Variants in INPP4A observed in about 807,000 individuals in gnomAD.
The protein encoded by INPP4A is inositol polyphosphate-4-phosphatase, type I, 107kD.
INPP4A carries 33 observed loss-of-function variants against 119.8 expected under a neutral mutation model. The observed-to-expected ratio is 0.28, with a 90% confidence interval of 0.21 to 0.37. The LOEUF (loss-of-function observed/expected upper bound fraction) is 0.37. Among genes scored for constraint, INPP4A ranks in the 10% least tolerant of loss-of-function variants. The pLI, the probability that INPP4A is intolerant of heterozygous loss-of-function variation, is 1.00. For missense variants in INPP4A, 956 were observed against 1,289.9 expected, an observed-to-expected ratio of 0.74 and a Z score of 3.97; for synonymous variants, 496 against 500.7, an observed-to-expected ratio of 0.99 and a Z score of 0.12.
chr2:98,553,016 T>G, intron 14 of INPP4A, 47 bp downstream of exon 14: 1 of 1,507,892 alleles, frequency 6.6e-7, no homozygotes, highest in Non-Finnish European at 9.0e-7. Context: ...TTTCCTTGGG[T>G]TTCTGGAAGC....
intron 1 of INPP4A, among the ~76,000 whole-genome samples, chr2:98,515,234 G>C (rs1685884824): frequency 6.6e-6 from 1 of 152,212 alleles, no homozygotes; most frequent in African/African-American, 2.4e-5. Context: ...TCTTGGATTT[G>C]GGGTTTCTGA....
rs114305869 is a variant in INPP4A at position 98,570,166 on chromosome 2, G to A, written c.2518+1498G>A. Among the ~76,000 whole-genome samples the A allele has an allele frequency of 6.6e-3, 1,006 of 152,300 alleles. 17 individuals carry two copies. The highest frequency in any genetic ancestry group is 0.023 in the African/African-American group (942 of 41,562). ...CGCAGGGCTACAGGGGACCGACAGC[G>A]AGTGCAGCACTGGCCCCAGCTGAGC... is the stretch of plus-strand genomic sequence containing the variant. On this transcript the variant is annotated intron_variant, in intron 22 of 24. Transcript: ENST00000409851. The surrounding 1 kb of genome is among the most constrained non-coding windows in gnomAD (Gnocchi z 4.3).
At chr2:98,498,572 T>C (rs928823109) in intron 1 of INPP4A, among the ~76,000 whole-genome samples, 2 of 151,922 alleles carry the variant, frequency 1.3e-5, no homozygotes, top group African/African-American at 4.8e-5. Flanking sequence ...CACTCACCAA[T>C]TCAGGTGCTG....
At chr2:98,539,037 C>T in intron 9 of INPP4A, 56 bp downstream of exon 9, 1 of 1,008,262 alleles carries the variant, frequency 9.9e-7, no homozygotes, top group Non-Finnish European at 1.5e-6. Flanking sequence ...CCACTTGGGC[C>T]CGCAGTCCCC....
chr2:98,506,317 C>G (rs1014224917), intron 1 of INPP4A, among the ~76,000 whole-genome samples: 7 of 152,358 alleles, frequency 4.6e-5, no homozygotes, highest in Non-Finnish European at 8.8e-5. Context: ...GTAAGGCCTG[C>G]CTTTAGGTCC....
At chr2:98,529,826 C>T (rs899594461) in intron 4 of INPP4A, among the ~76,000 whole-genome samples, 12 of 151,986 alleles carry the variant, frequency 7.9e-5, no homozygotes, top group East Asian at 1.9e-4. Context: ...TTAAAAGAAA[C>T]GTAGTAAAAA....
chr2:98,482,967 T>C (rs2105072819), intron 1 of INPP4A, among the ~76,000 whole-genome samples: 1 of 152,320 alleles, frequency 6.6e-6, no homozygotes, highest in East Asian at 1.9e-4. Context: ...TTAGGTGTGC[T>C]GAATCTGTAC....
At chr2:98,586,336 G>GTT (rs372688108) in intron 24 of INPP4A, among the ~76,000 whole-genome samples, 5 of 145,018 alleles carry the variant, frequency 3.4e-5, no homozygotes, top group Non-Finnish European at 7.6e-5. Flanking sequence ...TGCCACTGAT[G>GTT]TTTTTTTTTT....
intron 1 of INPP4A, among the ~76,000 whole-genome samples, chr2:98,499,353 A>G (rs1008250640): frequency 2.6e-5 from 4 of 152,196 alleles, no homozygotes; most frequent in Admixed American, 2.0e-4. Context: ...TGGATCATCA[A>G]ACAGTATTTT....
Position 98,591,928 on chromosome 2 carries a change from CAGT to C in INPP4A, c.*4323_*4325del, listed in dbSNP as rs1700421937. The C allele has an allele frequency of 6.6e-6, 1 of 152,180 alleles. No individual in the cohort carries two copies. Among genetic ancestry groups the C allele is most frequent in the Admixed American group, 6.5e-5 (1 of 15,280 alleles). The allele number at this position is 152,180 out of a possible 1,614,324, so 9.4% of individuals were successfully genotyped here. Reference sequence around the variant, plus strand: ...GTGTTCCTAATGTTGTAGTAATGAGCAGTAGATGTCTCTCAGTGGGCAGTGTGA... The same window carrying C: ...GTGTTCCTAATGTTGTAGTAATGAGCAGATGTCTCTCAGTGGGCAGTGTGA... On this transcript the variant is annotated 3_prime_UTR_variant, in exon 25 of 25. Transcript: ENST00000409851.
rs377384047 is a variant in INPP4A at position 98,574,499 on chromosome 2, G to A, written c.2631+1572G>A. On this transcript the variant is annotated intron_variant, in intron 23 of 24. Transcript: ENST00000409851. ...CTAAAAATACAAAAATTAGCCAGGC[G>A]TGGTGACGCATGCCTGTAATCCCAG... is the stretch of plus-strand genomic sequence containing the variant. Among the ~76,000 whole-genome samples the A allele has an allele frequency of 2.6e-4, 39 of 152,114 alleles. No homozygotes were observed. The South Asian group carries it at 7.5e-3, about 29-fold the overall frequency.
chr2:98,465,039 C>T (rs1674454456), intron 1 of INPP4A, among the ~76,000 whole-genome samples: 1 of 152,210 alleles, frequency 6.6e-6, no homozygotes, highest in African/African-American at 2.4e-5. Flanking sequence ...CGAGTTCCTA[C>T]CACGTGCCAG....
At chr2:98,556,637 A>G (rs980450695) in intron 16 of INPP4A, among the ~76,000 whole-genome samples, 1 of 152,226 alleles carries the variant, frequency 6.6e-6, no homozygotes, top group Admixed American at 6.5e-5. Context: ...AAGTCATAGT[A>G]GGTAAGGCCC....
intron 13 of INPP4A, among the ~76,000 whole-genome samples, chr2:98,548,477 T>G (rs1272883362): frequency 1.3e-5 from 2 of 152,014 alleles, no homozygotes; most frequent in Admixed American, 6.5e-5. Flanking sequence ...TGAGATGGGG[T>G]GGGGCCCTGA....
rs527949765 is a variant in INPP4A, at chr2:98,593,693, T to C, written c.*6085T>C. The C allele has an allele frequency of 6.6e-6, 1 of 152,430 alleles. No homozygotes were observed. Among genetic ancestry groups the C allele is most frequent in the African/African-American group, 2.4e-5 (1 of 41,558 alleles). The allele number at this position is 152,430 out of a possible 1,614,324, so 9.4% of individuals were successfully genotyped here. A position where few individuals can be genotyped will look rare whatever the true frequency, so the allele number is the denominator to read the frequency against. On this transcript the variant is annotated 3_prime_UTR_variant, in exon 25 of 25. Coordinates refer to ENST00000409851, the MANE Select transcript of INPP4A (RefSeq NM_001134225.2). ...CCAAGCTGGCTGAGTCTCCCTCTAA[T>C]AGACGACCTTGGGATCATTTTCTCC...
At chr2:98,536,486 AT>A (rs1690290766) in intron 7 of INPP4A, among the ~76,000 whole-genome samples, 1 of 152,164 alleles carries the variant, frequency 6.6e-6, no homozygotes, top group Admixed American at 6.5e-5. Flanking sequence ...TTTCTCCATT[AT>A]TTAGCCCCTC....
chr2:98,497,071 G>A (rs1469803081), intron 1 of INPP4A, among the ~76,000 whole-genome samples: 2 of 152,204 alleles, frequency 1.3e-5, no homozygotes, highest in Non-Finnish European at 2.9e-5. Context: ...TGTTGATATG[G>A]ACTTGGTGCC....
intron 1 of INPP4A, among the ~76,000 whole-genome samples, chr2:98,515,752 G>C (rs3754880): frequency 0.28 from 42,073 of 152,040 alleles, 5,889 homozygotes; most frequent in Middle Eastern, 0.35. Flanking sequence ...TCTGGCAAAC[G>C]TTTCCCAGGA....
At chr2:98,560,252 A>G (rs1575086688) in intron 17 of INPP4A, among the ~76,000 whole-genome samples, 1 of 152,212 alleles carries the variant, frequency 6.6e-6, no homozygotes, top group Non-Finnish European at 1.5e-5. Flanking sequence ...AATCAGCTGC[A>G]TGGTCAGTCT....
Sources: gnomAD v4.1 joint callset for allele counts (sites outside exome capture counted in the v4.1 genomes callset) on GRCh38, gnomAD v4.1.1 for gene constraint, Gnocchi (gnomAD v3.1) non-coding constraint, MANE v1.5 for transcripts, NCBI Gene and HGNC (gene_info 2026-07-23, HGNC 2026-07-21) for gene names.